Variants in LAMA3 observed in about 807,000 individuals in gnomAD.
LAMA3 encodes laminin subunit alpha 3, also known as laminin subunit alpha-3.
In LAMA3, 281 loss-of-function variants were observed where a neutral mutation model predicts 402.0. The observed-to-expected ratio is 0.70, with a 90% confidence interval of 0.63 to 0.77. The LOEUF (loss-of-function observed/expected upper bound fraction) is 0.77. LAMA3 is among the 30% of genes least tolerant of loss of function. The pLI, the probability that LAMA3 is intolerant of heterozygous loss-of-function variation, is 0.00. For missense variants in LAMA3, 3,840 were observed against 4,215.5 expected, an observed-to-expected ratio of 0.91 and a Z score of 2.47; for synonymous variants, 1,431 against 1,558.4, an observed-to-expected ratio of 0.92 and a Z score of 1.93.
At chr18:23,906,648 TTC>T (rs1292441188) in intron 52 of LAMA3, among the ~76,000 whole-genome samples, 1 of 152,176 alleles carries the variant, frequency 6.6e-6, no homozygotes, top group African/African-American at 2.4e-5. Context: ...CCTTCTTTCT[TTC>T]TCTCTTTCCT....
chr18:23,742,118 A>G (rs1212863871), intron 2 of LAMA3, among the ~76,000 whole-genome samples: 6 of 152,184 alleles, frequency 3.9e-5, no homozygotes, highest in Admixed American at 2.6e-4. Context: ...TGAAACTCTG[A>G]CTCAAAACAA....
chr18:23,880,854 G>A (rs2064872420), intron 39 of LAMA3, among the ~76,000 whole-genome samples: 3 of 152,118 alleles, frequency 2.0e-5, no homozygotes, highest in African/African-American at 7.2e-5. Flanking sequence ...TCCAGCCCGG[G>A]CGACAGCACA....
At chr18:23,850,542 A>G (rs2063920505) in intron 32 of LAMA3, among the ~76,000 whole-genome samples, 1 of 152,222 alleles carries the variant, frequency 6.6e-6, no homozygotes, top group African/African-American at 2.4e-5. Context: ...TAAATTTAAA[A>G]TTCTGATTCC....
chr18:23,794,766 C>T (rs1485150955), intron 12 of LAMA3, among the ~76,000 whole-genome samples: 2 of 152,166 alleles, frequency 1.3e-5, no homozygotes, highest in South Asian at 2.1e-4. Flanking sequence ...AATTGTCTAA[C>T]AGTCAGTTGC....
intron 8 of LAMA3, among the ~76,000 whole-genome samples, chr18:23,764,687 A>G (rs970397807): frequency 4.6e-5 from 7 of 151,554 alleles, no homozygotes; most frequent in Non-Finnish European, 1.0e-4. Context: ...CCTTTTACTC[A>G]GTTAGATATT....
At chr18:23,743,429 T>TATCC (rs879329196) in intron 2 of LAMA3, among the ~76,000 whole-genome samples, 24 of 152,158 alleles carry the variant, frequency 1.6e-4, no homozygotes, top group South Asian at 6.2e-4. Context: ...ACAGCTTTAC[T>TATCC]ATCCATCCAT....
At chr18:23,810,118 A>G (rs899469253) in intron 12 of LAMA3, among the ~76,000 whole-genome samples, 13 of 152,172 alleles carry the variant, frequency 8.5e-5, no homozygotes, top group African/African-American at 2.2e-4. Flanking sequence ...TCTTTTAAGT[A>G]TTATCTTATG....
At chr18:23,719,382 C>T (rs1282930513) in intron 2 of LAMA3, among the ~76,000 whole-genome samples, 1 of 152,046 alleles carries the variant, frequency 6.6e-6, no homozygotes, top group Non-Finnish European at 1.5e-5. Flanking sequence ...ACCCTGAAAC[C>T]CCCTGCAGGT....
intron 68 of LAMA3, among the ~76,000 whole-genome samples, chr18:23,941,332 C>T (rs1443614419): frequency 5.0e-5 from 7 of 141,266 alleles, no homozygotes; most frequent in East Asian, 2.2e-4. Flanking sequence ...TGGCGCCCCC[C>T]CCCCGCCCGG....
At chr18:23,936,238 T>C (rs570209525) in intron 67 of LAMA3, among the ~76,000 whole-genome samples, 8 of 151,448 alleles carry the variant, frequency 5.3e-5, no homozygotes, top group African/African-American at 1.9e-4. Flanking sequence ...TCTTTTTATA[T>C]ATATATATTT....
chr18:23,841,249 C>G (rs1270950103), intron 27 of LAMA3, among the ~76,000 whole-genome samples: 2 of 152,152 alleles, frequency 1.3e-5, no homozygotes, highest in Non-Finnish European at 2.9e-5. Context: ...TGGGTCTCAT[C>G]TGAAAAATGA....
Position 23,888,511 on chromosome 18 carries a change from T to A in LAMA3, c.5304-1500T>A, listed in dbSNP as rs375245172. Among the ~76,000 whole-genome samples the A allele has an allele frequency of 1.1e-4, 17 of 152,148 alleles. No individual in the cohort carries two copies. In the East Asian group the frequency reaches 2.7e-3, roughly 24 times the overall value. ...GAGCAAAACAGCCCAAAACTCCACA[T>A]CTTCATGGAGCTTATATTTTCATGG... On this transcript the variant is annotated intron_variant, in intron 41 of 74. Transcript: ENST00000313654.
At chr18:23,838,944 A>C in intron 26 of LAMA3, 66 bp downstream of exon 26, 6 of 952,736 alleles carry the variant, frequency 6.3e-6, no homozygotes, top group South Asian at 1.3e-5. Flanking sequence ...TGTAAGGCTG[A>C]AACTTTATAC....
At chr18:23,710,069 A>C in intron 1 of LAMA3, 1 of 759,880 alleles carries the variant, frequency 1.3e-6, no homozygotes, top group Non-Finnish European at 2.4e-6. Context: ...TGATGATAGC[A>C]TAGTGGTCAA....
At chr18:23,753,459 A>C (rs2143607168) in intron 5 of LAMA3, among the ~76,000 whole-genome samples, 1 of 152,360 alleles carries the variant, frequency 6.6e-6, no homozygotes, top group East Asian at 1.9e-4. Context: ...ATAGGCTATA[A>C]AGTATGATTC....
chr18:23,910,952 A>T (rs1381739686), intron 55 of LAMA3, among the ~76,000 whole-genome samples: 1 of 152,234 alleles, frequency 6.6e-6, no homozygotes, highest in Non-Finnish European at 1.5e-5. Flanking sequence ...TTTGCATGGG[A>T]ATCCAGATCC....
chr18:23,787,850 G>C (rs1402271165), intron 12 of LAMA3, among the ~76,000 whole-genome samples: 1 of 151,964 alleles, frequency 6.6e-6, no homozygotes, highest in Non-Finnish European at 1.5e-5. Flanking sequence ...AGCTGAAACA[G>C]GTACCATCAA....
intron 41 of LAMA3, among the ~76,000 whole-genome samples, chr18:23,886,390 A>C (rs1316418552): frequency 6.6e-6 from 1 of 152,162 alleles, no homozygotes; most frequent in Non-Finnish European, 1.5e-5. Flanking sequence ...TAATCCCAGC[A>C]CTTTGGGAGG....
intron 65 of LAMA3, 59 bp from the exon 66 acceptor site, chr18:23,932,101 T>C (rs896301691): frequency 2.9e-5 from 47 of 1,607,310 alleles, no homozygotes; most frequent in Non-Finnish European, 3.3e-5. Context: ...GTTGGCCACA[T>C]GGCAAGGGCC....
Sources: allele counts gnomAD v4.1 joint callset (sites outside exome capture counted in the v4.1 genomes callset), GRCh38; gene constraint gnomAD v4.1.1; transcripts MANE v1.5; gene names NCBI Gene and HGNC (gene_info 2026-07-23, HGNC 2026-07-21).